The following PPP1R21 variants were observed in gnomAD, a reference collection of about 807,000 sequenced individuals.
PPP1R21 encodes the protein protein phosphatase 1 regulatory subunit 21.
In PPP1R21, 85 loss-of-function variants were observed where a neutral mutation model predicts 112.8. That is an observed-to-expected ratio of 0.75 (90% confidence interval 0.63 to 0.90). PPP1R21 has a LOEUF of 0.90. PPP1R21 is among the 40% of genes least tolerant of loss of function. The probability of loss-of-function intolerance (pLI) is 0.00; values close to 1 mark genes in which losing one functional copy is unlikely to be tolerated. For synonymous variants in PPP1R21, 381 were observed against 322.3 expected (o/e 1.18, Z -1.95); for missense variants, 1,199 against 901.5 (o/e 1.33, Z -4.23).
intron 2 of PPP1R21, among the ~76,000 whole-genome samples, chr2:48,454,066 C>T (rs1667601000): frequency 6.6e-6 from 1 of 152,104 alleles, no homozygotes. Flanking sequence ...TGAGACCAGC[C>T]TGTCCAACAT....
At chr2:48,487,793 T>C (rs1228546170) in intron 14 of PPP1R21, among the ~76,000 whole-genome samples, 2 of 151,486 alleles carry the variant, frequency 1.3e-5, no homozygotes, top group Non-Finnish European at 1.5e-5. Flanking sequence ...GTTTTGATCA[T>C]GGATATTCCT....
In PPP1R21 at chr2:48,497,609, T is replaced by G. The variant is rs1349259441; in HGVS notation, c.1693-884T>G. Among the ~76,000 whole-genome samples, 3 of 152,046 alleles carry G rather than the reference T, an allele frequency of 2.0e-5. No homozygotes were observed. In the East Asian group the frequency reaches 5.8e-4, roughly 29 times the overall value. On this transcript the variant is annotated intron_variant, in intron 16 of 21. Transcript: ENST00000294952. ...GTTGTTGATATTAGTTTTAAATAAATGGCAAAACTACAAAATTACTTTTGC... is the reference window on the plus strand; with the variant it reads ...GTTGTTGATATTAGTTTTAAATAAAGGGCAAAACTACAAAATTACTTTTGC...
rs775417054 is a variant in PPP1R21 at position 48,451,105 on chromosome 2, G to T, written c.126+29G>T. On this transcript the variant is annotated intron_variant, in intron 2 of 21. Coordinates refer to ENST00000294952, the MANE Select transcript of PPP1R21 (RefSeq NM_001135629.3). ...GGCAACAGGATATTTGTGTTGTGAG[G>T]GTTAAGTTAGCATTTGGTGTTGCTC... 2.5e-6 allele frequency: 4 copies of T among 1,583,466 alleles called. No homozygotes were observed. The South Asian group carries it at 4.4e-5, about 18-fold the overall frequency.
At chr2:48,471,505 A>G in intron 11 of PPP1R21, 138 bp downstream of exon 11, 1 of 805,082 alleles carries the variant, frequency 1.2e-6, no homozygotes, top group South Asian at 2.1e-5. Flanking sequence ...ACTTCCGTGA[A>G]AAAGGAAAAG....
rs73927979 is a variant in PPP1R21 at position 48,514,689 on chromosome 2, T to C, written c.2314-26T>C. ...TTATTTTTTTTTATGTTTATGTTCT[T>C]ATTGTTGATATTTTTCTTTGCACAG... is the stretch of plus-strand genomic sequence containing the variant. On this transcript the variant is annotated intron_variant, in intron 21 of 21. Transcript: ENST00000294952. 6,779 of 1,495,010 alleles carry C rather than the reference T, an allele frequency of 4.5e-3. 245 individuals are homozygous for C. The African/African-American group carries it at 0.08, about 18-fold the overall frequency. The allele number at this position is 1,495,010 out of a possible 1,614,324, so 92.6% of individuals were successfully genotyped here. A position where few individuals can be genotyped will look rare whatever the true frequency, so the allele number is the denominator to read the frequency against.
chr2:48,476,676 A>G (rs1668768425), intron 12 of PPP1R21, among the ~76,000 whole-genome samples: 2 of 152,080 alleles, frequency 1.3e-5, no homozygotes, highest in African/African-American at 4.8e-5. Flanking sequence ...TGTAGTTTTT[A>G]CTTGCATTTT....
Position 48,491,104 on chromosome 2 carries a change from T to C in PPP1R21, c.1533T>C (p.Pro511=), listed in dbSNP as rs1278707604. Residue 511 remains proline (P), a synonymous_variant, in exon 15 of 22, where the codon CCT becomes CCC. Transcript: ENST00000294952. Reference sequence around the variant, plus strand: ...AGGCAGCGAGTGGATTCATTAGTCCTCTTTCAGCTGAATGCATGCTACAGT... The same window carrying C: ...AGGCAGCGAGTGGATTCATTAGTCCCCTTTCAGCTGAATGCATGCTACAGT... ...GPKAASGFIS[P]LSAECMLQYK... The C allele has an allele frequency of 5.0e-6, 8 of 1,614,194 alleles. No homozygotes were observed. The highest frequency in any genetic ancestry group is 6.8e-6 in the Non-Finnish European group (8 of 1,180,020).
At chr2:48,470,836 G>T (rs1198133650) in intron 9 of PPP1R21, among the ~76,000 whole-genome samples, 2 of 152,092 alleles carry the variant, frequency 1.3e-5, no homozygotes, top group African/African-American at 4.8e-5. Context: ...CCCTCTTCTA[G>T]TTCCTCGATT....
chr2:48,462,182 T>C (rs971391083), intron 7 of PPP1R21, among the ~76,000 whole-genome samples: 1 of 152,254 alleles, frequency 6.6e-6, no homozygotes, highest in Non-Finnish European at 1.5e-5. Flanking sequence ...ATACTAGTTG[T>C]CACCCTGTTT....
rs1670808592 is a variant in PPP1R21, at chr2:48,514,964, A to G, written c.*220A>G. The G allele has an allele frequency of 9.1e-6, 5 of 548,218 alleles. 1 individual carries two copies. Among genetic ancestry groups the G allele is most frequent in the South Asian group, 5.5e-5 (2 of 36,570 alleles). The allele number at this position is 548,218 out of a possible 1,614,324, so 34.0% of individuals were successfully genotyped here. ...TGATGTCGGCAGTAAATGGAAAACA[A>G]TACGTATGTCATGGATATTGTAGGT... On this transcript the variant is annotated 3_prime_UTR_variant, in exon 22 of 22. Transcript: ENST00000294952.
In PPP1R21 at chr2:48,495,249, G is replaced by T. The variant is rs1669778611; in HGVS notation, c.1600-430G>T. On this transcript the variant is annotated intron_variant, in intron 15 of 21. Coordinates refer to ENST00000294952, the MANE Select transcript of PPP1R21 (RefSeq NM_001135629.3). ...GACGGAGTCTCGCTCTGTTGTCCAG[G>T]CTAGAGTGCAATGGCACAATCTCTG... Among the ~76,000 whole-genome samples the T allele has an allele frequency of 5.9e-5, 9 of 151,880 alleles. No homozygotes were observed. In the South Asian group the frequency reaches 1.9e-3, roughly 32 times the overall value.
At position 48,495,722 on chromosome 2, in the gene PPP1R21, G is replaced by A. The variant is rs764506978; in HGVS notation, c.1643G>A (p.Arg548His). Residue 548 changes from arginine to histidine, a missense_variant, in exon 16 of 22, where the codon CGC (arginine) becomes CAC (histidine). By Grantham distance (29) the Arg-to-His change is conservative. Coordinates refer to ENST00000294952, the MANE Select transcript of PPP1R21 (RefSeq NM_001135629.3). ...SVPYEEALANRRILLSSTESR... is the reference protein window; with the variant it reads ...SVPYEEALANHRILLSSTESR... ...CCTTATGAAGAAGCACTGGCAAACC[G>A]CCGCATCCTTCTCAGCTCTACTGAA... 5.0e-6 allele frequency: 8 copies of A among 1,612,346 alleles called. No homozygotes were observed. The highest frequency in any genetic ancestry group is 1.6e-4 in the Middle Eastern group (1 of 6,084).
chr2:48,457,888 C>T, intron 3 of PPP1R21: 1 of 436,484 alleles, frequency 2.3e-6, no homozygotes. Flanking sequence ...GAATAGTAAG[C>T]CTTATCTGTT....
chr2:48,441,701 G>T (rs113572785), intron 1 of PPP1R21, among the ~76,000 whole-genome samples: 2,846 of 152,290 alleles, frequency 0.019, 48 homozygotes, highest in African/African-American at 0.045. Flanking sequence ...TATGGCATCA[G>T]TCTTTTAAAT....
In PPP1R21 at chr2:48,510,128, A is replaced by G. The variant is rs1670571424; in HGVS notation, c.2184+15A>G. 1 of 1,587,658 alleles carries G rather than the reference A, an allele frequency of 6.3e-7. No homozygotes were observed. The highest frequency in any genetic ancestry group is 1.1e-5 in the South Asian group (1 of 89,152). On this transcript the variant is annotated intron_variant, in intron 20 of 21. Coordinates refer to ENST00000294952, the MANE Select transcript of PPP1R21 (RefSeq NM_001135629.3). Reference sequence around the variant, plus strand: ...GCAGACTTCAGGTGAGTTAAGTGTTACCTGAATGGTTTTAATGTTTTTTCA... The same window carrying G: ...GCAGACTTCAGGTGAGTTAAGTGTTGCCTGAATGGTTTTAATGTTTTTTCA...
rs1343285099 is a variant in PPP1R21, at chr2:48,480,016, G to C, written c.1318G>C (p.Asp440His). Residue 440 changes from aspartate (D) to histidine (H), a missense_variant and splice_region_variant, in exon 13 of 22, where the codon GAT (aspartate) becomes CAT (histidine). Physicochemically the swap from Asp to His is moderately conservative, Grantham distance 81. Coordinates refer to ENST00000294952, the MANE Select transcript of PPP1R21 (RefSeq NM_001135629.3). ...ALHGFHDVMK[D>H]ISKHYSQKAA... is the part of the protein sequence containing the mutation. ...GCATGGATTTCATGACGTTATGAAA[G>C]GTAGGCCTTGAAAAAGAACGTAAGC... The C allele has an allele frequency of 6.3e-7, 1 of 1,595,890 alleles. No homozygotes were observed. Among genetic ancestry groups the C allele is most frequent in the Non-Finnish European group, 8.6e-7 (1 of 1,163,548 alleles).
At chr2:48,496,339 G>T (rs1483726118) in intron 16 of PPP1R21, among the ~76,000 whole-genome samples, 1 of 152,176 alleles carries the variant, frequency 6.6e-6, no homozygotes, top group Non-Finnish European at 1.5e-5. Context: ...CCTAGGGCAG[G>T]ACTCTAATCT....
chr2:48,498,887 C>T (rs1029277926), intron 17 of PPP1R21, 152 bp downstream of exon 17: 14 of 837,386 alleles, frequency 1.7e-5, no homozygotes, highest in African/African-American at 1.6e-4. Flanking sequence ...AAATTTATTT[C>T]TCCCAGTTCT....
chr2:48,482,386 T>G (rs1387334009), intron 13 of PPP1R21, among the ~76,000 whole-genome samples: 1 of 152,148 alleles, frequency 6.6e-6, no homozygotes, highest in Non-Finnish European at 1.5e-5. Context: ...CGGGAAGGTC[T>G]TAGTACTGCA....
Sources: gnomAD v4.1 joint callset for allele counts (sites outside exome capture counted in the v4.1 genomes callset) on GRCh38, gnomAD v4.1.1 for gene constraint, MANE v1.5 for transcripts, NCBI Gene and HGNC (gene_info 2026-07-23, HGNC 2026-07-21) for gene names.